Variants in ANO4 observed in about 807,000 individuals in gnomAD.
ANO4 encodes anoctamin 4.
Under a neutral mutation model 141.9 loss-of-function variants are expected in ANO4, and 69 were observed. The ratio of observed to expected loss-of-function variants is 0.49; its 90% confidence interval spans 0.40 to 0.59. The LOEUF is 0.59. Among genes scored for constraint, ANO4 ranks in the 20% least tolerant of loss-of-function variants. The pLI, the probability that ANO4 is intolerant of heterozygous loss-of-function variation, is 0.00. For missense variants in ANO4, 894 were observed against 1,162.2 expected (o/e 0.77, Z 3.36); for synonymous variants, 350 against 394.3 (o/e 0.89, Z 1.33).
At chr12:100,856,262 C>T (rs1295675571) in intron 1 of ANO4, among the ~76,000 whole-genome samples, 1 of 152,188 alleles carries the variant, frequency 6.6e-6, no homozygotes. Context: ...AAAGCATGCA[C>T]TGTAGATTCA....
At chr12:100,995,105 G>C (rs901929541) in intron 8 of ANO4, among the ~76,000 whole-genome samples, 1 of 143,252 alleles carries the variant, frequency 7.0e-6, no homozygotes, top group Admixed American at 7.4e-5. Flanking sequence ...AATGCTATGG[G>C]AACAGAGAAA....
intron 1 of ANO4, among the ~76,000 whole-genome samples, chr12:100,878,638 TG>T (rs2039427304): frequency 6.6e-6 from 1 of 152,202 alleles, no homozygotes. Flanking sequence ...CTGAAGCTAT[TG>T]GAATGAATAC....
chr12:101,082,458 A>T (rs1451266867), intron 15 of ANO4, among the ~76,000 whole-genome samples: 3 of 152,196 alleles, frequency 2.0e-5, no homozygotes, highest in African/African-American at 7.2e-5. Flanking sequence ...TAGTTCTCGG[A>T]TGACTAGCTC....
At chr12:101,016,622 A>G (rs1256521812) in intron 8 of ANO4, among the ~76,000 whole-genome samples, 2 of 152,194 alleles carry the variant, frequency 1.3e-5, no homozygotes, top group African/African-American at 4.8e-5. Context: ...AGTGTTTATC[A>G]TGTGCTAAGC....
At chr12:100,730,383 A>G (rs2031333258) in intron 1 of ANO4, among the ~76,000 whole-genome samples, 1 of 152,134 alleles carries the variant, frequency 6.6e-6, no homozygotes, top group Admixed American at 6.5e-5. Context: ...AAGGAAATTA[A>G]ACAGCTTGGC....
chr12:100,810,166 G>C (rs913340993), intron 1 of ANO4, among the ~76,000 whole-genome samples: 1 of 151,984 alleles, frequency 6.6e-6, no homozygotes, highest in Non-Finnish European at 1.5e-5. Flanking sequence ...ATGCTGATCA[G>C]GATAGTCCTC....
chr12:101,056,360 C>CA (rs35547875), intron 14 of ANO4, among the ~76,000 whole-genome samples: 64,926 of 151,812 alleles, frequency 0.43, 14,353 homozygotes, highest in African/African-American at 0.55. Context: ...GAGTTTTTTA[C>CA]AAATAGTATT....
At chr12:100,949,697 G>A (rs929499454) in intron 5 of ANO4, among the ~76,000 whole-genome samples, 21 of 152,184 alleles carry the variant, frequency 1.4e-4, no homozygotes, top group Admixed American at 2.0e-4. Flanking sequence ...TATTGTTACT[G>A]TGTATGCATT....
At chr12:101,012,960 T>C (rs1034625427) in intron 8 of ANO4, among the ~76,000 whole-genome samples, 2 of 152,146 alleles carry the variant, frequency 1.3e-5, no homozygotes, top group African/African-American at 4.8e-5. Context: ...TCCTTTTTTT[T>C]CCACTTTTAT....
intron 1 of ANO4, among the ~76,000 whole-genome samples, chr12:100,871,239 A>G (rs1029433424): frequency 1.3e-5 from 2 of 152,234 alleles, no homozygotes; most frequent in African/African-American, 4.8e-5. Flanking sequence ...GAGGTATTAC[A>G]TAATTCAGTG....
intron 3 of ANO4, among the ~76,000 whole-genome samples, chr12:100,758,283 G>C (rs964891886): frequency 6.6e-6 from 1 of 152,206 alleles, no homozygotes; most frequent in Non-Finnish European, 1.5e-5. Flanking sequence ...GCAGATGGTG[G>C]CCTTGGTGTG....
intron 1 of ANO4, among the ~76,000 whole-genome samples, chr12:100,827,759 G>A (rs2036432285): frequency 6.6e-6 from 1 of 151,978 alleles, no homozygotes; most frequent in East Asian, 1.9e-4. Flanking sequence ...TGTATTTGGA[G>A]GTGCTAAAAT....
At chr12:100,733,257 C>T (rs946003644) in intron 1 of ANO4, among the ~76,000 whole-genome samples, 1 of 152,156 alleles carries the variant, frequency 6.6e-6, no homozygotes, top group African/African-American at 2.4e-5. Flanking sequence ...CAGCTGCTAA[C>T]CCACGAAGCT....
chr12:101,099,670 A>G lies in ANO4; in HGVS notation c.2099A>G (p.Asn700Ser). Residue 700 changes from asparagine (N) to serine (S), a missense_variant, in exon 22 of 28, where the codon AAC becomes AGC. Transcript: ENST00000392977. ...TTCCCACAATGGGAAAAGGACTATAACCTTCAGCCGATGAATGCCTATGGA... is the reference window on the plus strand; with the variant it reads ...TTCCCACAATGGGAAAAGGACTATAGCCTTCAGCCGATGAATGCCTATGGA... The part of the protein sequence containing the change: ...ISFPQWEKDY[N>S]LQPMNAYGLF... 1.2e-6 allele frequency: 2 copies of G among 1,610,990 alleles called. No individual in the cohort carries two copies. The highest frequency in any genetic ancestry group is 1.7e-6 in the Non-Finnish European group (2 of 1,179,114).
intron 1 of ANO4, among the ~76,000 whole-genome samples, chr12:100,830,904 A>G (rs528451425): frequency 6.6e-6 from 1 of 152,168 alleles, no homozygotes; most frequent in South Asian, 2.1e-4. Flanking sequence ...TTCACTTTTA[A>G]TGAGTATACC....
At chr12:100,746,497 G>T (rs535987435) in intron 3 of ANO4, among the ~76,000 whole-genome samples, 1 of 150,862 alleles carries the variant, frequency 6.6e-6, no homozygotes, top group African/African-American at 2.4e-5. Context: ...GAAATAATAA[G>T]AAAAATATGT....
intron 5 of ANO4, among the ~76,000 whole-genome samples, chr12:100,952,235 C>T (rs1456929411): frequency 1.3e-5 from 2 of 152,232 alleles, no homozygotes. Context: ...TTTAGATCCA[C>T]TTACTACTTC....
chr12:101,015,926 A>G (rs1464818163), intron 8 of ANO4, among the ~76,000 whole-genome samples: 1 of 152,134 alleles, frequency 6.6e-6, no homozygotes, highest in Admixed American at 6.5e-5. Context: ...GAGAACCATG[A>G]TATGGGGAAT....
chr12:100,791,068 A>G (rs535129128), upstream of ANO4, among the ~76,000 whole-genome samples: 1 of 152,324 alleles, frequency 6.6e-6, no homozygotes, highest in East Asian at 1.9e-4. Context: ...AGTAAGGACT[A>G]TTCCTCTTGG....
Sources: allele counts gnomAD v4.1 joint callset (sites outside exome capture counted in the v4.1 genomes callset), GRCh38; gene constraint gnomAD v4.1.1; transcripts MANE v1.5; gene names NCBI Gene and HGNC (gene_info 2026-07-23, HGNC 2026-07-21).